Variants in THSD1 observed in about 807,000 individuals in gnomAD.
THSD1 encodes the protein thrombospondin type-1 domain-containing protein 1.
A neutral mutation model predicts 46.3 loss-of-function variants in THSD1; 34 were observed. The ratio of observed to expected loss-of-function variants is 0.74; its 90% CI spans 0.56 to 0.98. THSD1 has a LOEUF of 0.98. THSD1 is among the 50% of genes least tolerant of loss of function. The pLI, the probability that THSD1 is intolerant of heterozygous loss-of-function variation, is 0.00. For missense variants in THSD1, 1,023 were observed against 1,058.3 expected (o/e 0.97, Z 0.46); for synonymous variants, 407 against 416.5 (o/e 0.98, Z 0.28).
At position 52,402,678 on chromosome 13, in the gene THSD1, A is replaced by T. The variant is rs1005786750; in HGVS notation, c.-78T>A. 6.3e-7 allele frequency: 1 copy of T among 1,585,510 alleles called. No homozygotes were observed. Among genetic ancestry groups the T allele is most frequent in the Non-Finnish European group, 8.6e-7 (1 of 1,163,976 alleles). ...CAGATTGTGATTTTTTTCCCCAAAA[A>T]CACCTGAAATTAGAACCTCAAAAAA... On this transcript the variant is annotated 5_prime_UTR_variant, in exon 2 of 5. Transcript: ENST00000258613.
intron 1 of THSD1, among the ~76,000 whole-genome samples, chr13:52,404,884 G>A (rs1200130032): frequency 1.1e-4 from 16 of 152,162 alleles, no homozygotes; most frequent in South Asian, 4.1e-4. Context: ...ATAGAATGGT[G>A]AGACAATCTA....
chr13:52,383,265 CTTCA>C (rs1028704484), intron 4 of THSD1, among the ~76,000 whole-genome samples: 1 of 152,186 alleles, frequency 6.6e-6, no homozygotes, highest in Non-Finnish European at 1.5e-5. Context: ...TGATTCATTC[CTTCA>C]TTATTAAAAA....
At chr13:52,385,997 A>G in intron 4 of THSD1, 31 bp downstream of exon 4, 1 of 1,606,816 alleles carries the variant, frequency 6.2e-7, no homozygotes, top group Admixed American at 1.7e-5. Flanking sequence ...GGCTCTGAGG[A>G]GAGACTCCCG....
rs184836830 is a variant in THSD1 at position 52,388,628 on chromosome 13, C to T, written c.1022-2442G>A. 4.3e-4 allele frequency among the ~76,000 whole-genome samples: 66 copies of T among 151,944 alleles called. 1 individual carries two copies. Among genetic ancestry groups the T allele is most frequent in the African/African-American group, 1.4e-3 (56 of 41,454 alleles). On this transcript the variant is annotated intron_variant, in intron 3 of 4. Transcript: ENST00000258613. ...CCGAGTAGCTGGAATTACAGGCATGCGCCACCACATCCAGCTAACTTATGG... is the reference window on the plus strand; with the variant it reads ...CCGAGTAGCTGGAATTACAGGCATGTGCCACCACATCCAGCTAACTTATGG...
chr13:52,377,278 T>C lies in THSD1; in HGVS notation c.*133A>G, dbSNP rs1957639937. ...TTTCTTCCTTGTGAATTCAAACACA[T>C]GCATACACACACATCCTCCTCTGTG... On this transcript the variant is annotated 3_prime_UTR_variant, in exon 5 of 5. Coordinates refer to ENST00000258613, the MANE Select transcript of THSD1 (RefSeq NM_018676.4). 21 of 1,355,320 alleles carry C rather than the reference T, an allele frequency of 1.5e-5. No homozygotes were observed. Among genetic ancestry groups the C allele is most frequent in the Middle Eastern group, 2.8e-4 (1 of 3,624 alleles). 84.0% of individuals were successfully genotyped at this position (1,355,320 alleles called of 1,614,324 possible).
chr13:52,405,087 G>A (rs1957896908), intron 1 of THSD1, among the ~76,000 whole-genome samples: 1 of 152,130 alleles, frequency 6.6e-6, no homozygotes, highest in African/African-American at 2.4e-5. Context: ...ATTGTTCTAA[G>A]AAATTAAGAA....
chr13:52,401,894 TATC>T (rs1957866078), intron 2 of THSD1, among the ~76,000 whole-genome samples: 1 of 152,242 alleles, frequency 6.6e-6, no homozygotes, highest in African/African-American at 2.4e-5. Context: ...GTGAAGATTA[TATC>T]ATATTGTTGA....
At chr13:52,381,405 A>G (rs1343352178) in intron 4 of THSD1, among the ~76,000 whole-genome samples, 6 of 151,962 alleles carry the variant, frequency 3.9e-5, no homozygotes, top group African/African-American at 1.5e-4. Flanking sequence ...GCTGCCCACA[A>G]ATCCTTCCAT....
intron 4 of THSD1, chr13:52,383,998 T>G: frequency 4.8e-6 from 1 of 209,170 alleles, no homozygotes. Context: ...AGGTCGGGAG[T>G]TCGAGACTAG....
chr13:52,386,439 A>G (rs1957730985), intron 3 of THSD1, among the ~76,000 whole-genome samples: 1 of 152,224 alleles, frequency 6.6e-6, no homozygotes, highest in Admixed American at 6.5e-5. Context: ...CTGTGCTGCA[A>G]TAAAAGGAAA....
chr13:52,377,909 G>A lies in THSD1; in HGVS notation c.2061C>T (p.Thr687=). The part of the protein sequence containing the change: ...QAPAYSSRTR[T]CEQAEDRFRP... ...TAAATCTGTCCTCTGCCTGCTCGCA[G>A]GTCCGCGTCCTAGAGCTGTAGGCAG... The change falls in exon 5 of 5, where the codon ACC becomes ACT. Residue 687 remains threonine, a synonymous_variant. Transcript: ENST00000258613. The A allele has an allele frequency of 6.2e-7, 1 of 1,614,228 alleles. No homozygotes were observed. The highest frequency in any genetic ancestry group is 1.7e-5 in the Admixed American group (1 of 60,030).
At chr13:52,402,189 C>T (rs1156575835) in intron 2 of THSD1, among the ~76,000 whole-genome samples, 1 of 152,140 alleles carries the variant, frequency 6.6e-6, no homozygotes, top group Non-Finnish European at 1.5e-5. Flanking sequence ...TTATGTAGAA[C>T]CCTAATATAC....
intron 3 of THSD1, among the ~76,000 whole-genome samples, chr13:52,396,222 A>G (rs1309886176): frequency 6.6e-6 from 1 of 152,098 alleles, no homozygotes; most frequent in Non-Finnish European, 1.5e-5. Flanking sequence ...TGGGCTTACC[A>G]GGGATAAAGA....
intron 4 of THSD1, among the ~76,000 whole-genome samples, chr13:52,379,858 C>T (rs528456571): frequency 3.3e-4 from 50 of 152,208 alleles, no homozygotes; most frequent in African/African-American, 6.5e-4. Context: ...AGAGGCACAT[C>T]GGAAGTATAA....
chr13:52,396,430 G>A (rs1449922861), intron 3 of THSD1, among the ~76,000 whole-genome samples: 1 of 152,122 alleles, frequency 6.6e-6, no homozygotes, highest in African/African-American at 2.4e-5. Context: ...GCTGAGGCAG[G>A]AGAATGGCAT....
chr13:52,401,976 G>A (rs893881658), intron 2 of THSD1, among the ~76,000 whole-genome samples: 3 of 152,188 alleles, frequency 2.0e-5, no homozygotes, highest in Admixed American at 6.5e-5. Context: ...AACGAATGAC[G>A]AGAACAGACT....
intron 4 of THSD1, among the ~76,000 whole-genome samples, chr13:52,382,259 G>C (rs1325388116): frequency 6.6e-6 from 1 of 152,116 alleles, no homozygotes; most frequent in Admixed American, 6.6e-5. Context: ...TCACACAGTT[G>C]CCAGTACTAA....
Position 52,397,695 on chromosome 13 carries a change from C to A in THSD1, c.558G>T (p.Leu186=). 1.9e-6 allele frequency: 3 copies of A among 1,614,204 alleles called. No individual in the cohort carries two copies. Among genetic ancestry groups the A allele is most frequent in the Non-Finnish European group, 2.5e-6 (3 of 1,180,040 alleles). The change falls in exon 3 of 5, where the codon CTG becomes CTT. Residue 186 remains leucine (L), a synonymous_variant. Transcript: ENST00000258613. ...PEARRNSRQP[L]EIRTSKRTEL... is the part of the protein sequence containing the mutation. The stretch of plus-strand genomic sequence containing the variant: ...CTGTCCTTTTGCTGGTTCTTATTTC[C>A]AGCGGCTGTCTTGAATTTCTTCTTG...
intron 2 of THSD1, among the ~76,000 whole-genome samples, chr13:52,401,162 A>G (rs1322824242): frequency 6.6e-6 from 1 of 151,988 alleles, no homozygotes; most frequent in South Asian, 2.1e-4. Context: ...TTTAGTAGAA[A>G]CGGGGTTTCA....
Sources: gnomAD v4.1 joint callset for allele counts (sites outside exome capture counted in the v4.1 genomes callset) on GRCh38, gnomAD v4.1.1 for gene constraint, MANE v1.5 for transcripts, NCBI Gene and HGNC (gene_info 2026-07-23, HGNC 2026-07-21) for gene names.